Variants in PCYOX1L observed in about 807,000 individuals in gnomAD.
PCYOX1L encodes the protein prenylcysteine oxidase 1 like, also known as prenylcysteine oxidase 1-like.
A neutral mutation model predicts 44.1 loss-of-function variants in PCYOX1L; 40 were observed. The ratio of observed to expected loss-of-function variants is 0.91; its 90% confidence interval spans 0.70 to 1.18. PCYOX1L has a LOEUF of 1.18. Among genes scored for constraint, PCYOX1L ranks in the 50% most tolerant of loss-of-function variants. The pLI is 0.00. For synonymous variants in PCYOX1L, 266 were observed against 282.8 expected (o/e 0.94, Z 0.60); for missense variants, 605 against 653.3 (o/e 0.93, Z 0.81).
intron 1 of PCYOX1L, among the ~76,000 whole-genome samples, chr5:149,361,151 G>T (rs1321495172): frequency 6.6e-6 from 1 of 152,216 alleles, no homozygotes; most frequent in Admixed American, 6.5e-5. Flanking sequence ...GCTAATGCCT[G>T]TAATTCCAGC....
In PCYOX1L at chr5:149,368,455, G is replaced by T. The variant is rs775253723; in HGVS notation, c.1286G>T (p.Gly429Val). 1 of 1,613,706 alleles carries T rather than the reference G, an allele frequency of 6.2e-7. No homozygotes were observed. The highest frequency in any genetic ancestry group is 1.1e-5 in the South Asian group (1 of 91,066). The change falls in exon 6 of 6, where the codon GGC becomes GTC. Residue 429 changes from glycine (G) to valine (V), a missense_variant. Transcript: ENST00000274569. ...GAGTGGCAGGCCCATCCCCTCTATGGCTCCCGCCCCACGCTCCCGAGGTTT... is the reference window on the plus strand; with the variant it reads ...GAGTGGCAGGCCCATCCCCTCTATGTCTCCCGCCCCACGCTCCCGAGGTTT... ...TAEWQAHPLY[G>V]SRPTLPRFAL... is the part of the protein sequence containing the mutation.
chr5:149,366,129 TCAG>T lies in PCYOX1L; in HGVS notation c.663_665del (p.Ala222del). 2 of 1,613,042 alleles carry T rather than the reference TCAG, an allele frequency of 1.2e-6. No individual in the cohort carries two copies. Among genetic ancestry groups the T allele is most frequent in the Non-Finnish European group, 1.7e-6 (2 of 1,180,022 alleles). On this transcript the variant is annotated inframe_deletion, in exon 4 of 6. Transcript: ENST00000274569. ...TGTCCTGCGGGCCAGCTATGGCCAGTCAGCAGCGATGCCCGCCTTTGCAGGTAA... is the reference window on the plus strand; with the variant it reads ...TGTCCTGCGGGCCAGCTATGGCCAGTCAGCGATGCCCGCCTTTGCAGGTAA...
Position 149,368,606 on chromosome 5 carries a change from C to A in PCYOX1L, c.1437C>A (p.Asp479Glu). Residue 479 changes from aspartate to glutamate, a missense_variant, in exon 6 of 6, where the codon GAC (aspartate) becomes GAA (glutamate). By Grantham distance (45) the Asp-to-Glu change is conservative (BLOSUM62 2). Coordinates refer to ENST00000274569, the MANE Select transcript of PCYOX1L (RefSeq NM_024028.4). Reference sequence around the variant, plus strand: ...ACAACCGCTGGTACCAGGACCTAGACAAGATTGATCAAAAAGATTTGATGC... The same window carrying A: ...ACAACCGCTGGTACCAGGACCTAGAAAAGATTGATCAAAAAGATTTGATGC... ...LAYNRWYQDL[D>E]KIDQKDLMHK... is the part of the protein sequence containing the mutation. 2.0e-6 allele frequency: 3 copies of A among 1,536,030 alleles called. No homozygotes were observed. The highest frequency in any genetic ancestry group is 2.1e-5 in the Admixed American group (1 of 47,198).
intron 3 of PCYOX1L, chr5:149,365,689 G>C (rs1235405446): frequency 3.6e-6 from 2 of 553,632 alleles, no homozygotes; most frequent in East Asian, 6.2e-5. Flanking sequence ...CAGTGATACA[G>C]TTGTTACTCA....
In PCYOX1L at chr5:149,367,370, A is replaced by G. The variant is rs1164438053; in HGVS notation, c.693A>G (p.Ser231=). The change falls in exon 5 of 6, where the codon TCA becomes TCG. Residue 231 remains serine (S), a synonymous_variant. Transcript: ENST00000274569. ...TCCCGCTTTGCCCAGGAGCCATGTC[A>G]CTAGCCGGGGCCCAAGGCAGCCTGT... ...AAMPAFAGAM[S]LAGAQGSLWS... The G allele has an allele frequency of 1.2e-6, 2 of 1,610,516 alleles. No homozygotes were observed. The highest frequency in any genetic ancestry group is 1.7e-6 in the Non-Finnish European group (2 of 1,178,824).
intron 1 of PCYOX1L, among the ~76,000 whole-genome samples, chr5:149,358,854 T>A (rs929400994): frequency 6.6e-6 from 1 of 152,182 alleles, no homozygotes; most frequent in Non-Finnish European, 1.5e-5. Flanking sequence ...AATTTTATAG[T>A]GGTCATCTGT....
In PCYOX1L at chr5:149,358,111, C is replaced by T; in HGVS notation, c.43C>T (p.Leu15Phe). 2.7e-6 allele frequency: 4 copies of T among 1,454,702 alleles called. No homozygotes were observed. Among genetic ancestry groups the T allele is most frequent in the East Asian group, 6.1e-5 (2 of 33,014 alleles). 90.1% of individuals were successfully genotyped at this position (1,454,702 alleles called of 1,614,324 possible). ...GCTGCTCGCCGCGTTGACCGCGCTC[C>T]TCGCCGCCGCCGCTGCTGGCGGAGA... ...APLLAALTAL[L>F]AAAAAGGDAP... Residue 15 changes from leucine (L) to phenylalanine (F), a missense_variant, in exon 1 of 6, where the codon CTC becomes TTC. Transcript: ENST00000274569.
At chr5:149,362,604 CTCT>C in intron 1 of PCYOX1L, 30 bp from the exon 2 acceptor site, 1 of 1,611,546 alleles carries the variant, frequency 6.2e-7, no homozygotes, top group Non-Finnish European at 8.5e-7. Flanking sequence ...TGTTCTGTCT[CTCT>C]TCTTCCCTAC....
intron 1 of PCYOX1L, among the ~76,000 whole-genome samples, chr5:149,359,535 A>G (rs1485475648): frequency 6.6e-6 from 1 of 152,354 alleles, no homozygotes; most frequent in East Asian, 1.9e-4. Flanking sequence ...GTTTGAATAC[A>G]GTGTGGCTAG....
chr5:149,364,400 T>C, intron 3 of PCYOX1L, 190 bp downstream of exon 3: 1 of 616,560 alleles, frequency 1.6e-6, no homozygotes, highest in South Asian at 2.1e-5. Flanking sequence ...ATGGTCTCCC[T>C]AGTATTGTCA....
In PCYOX1L at chr5:149,365,975, C is replaced by T. The variant is rs1581371970; in HGVS notation, c.504C>T (p.Phe168=). The change falls in exon 4 of 6, where the codon TTC becomes TTT. Residue 168 remains phenylalanine, a synonymous_variant. Coordinates refer to ENST00000274569, the MANE Select transcript of PCYOX1L (RefSeq NM_024028.4). ...AGTACCAGGCCCACGGCTATGCCTT[C>T]TCGGGTGTGGAGGAGCTGCTCTACT... ...IYKYQAHGYA[F]SGVEELLYSL... 1 of 1,614,140 alleles carries T rather than the reference C, an allele frequency of 6.2e-7. No homozygotes were observed. The highest frequency in any genetic ancestry group is 1.7e-5 in the Admixed American group (1 of 60,016).
chr5:149,365,858 G>A (rs1758178799), intron 3 of PCYOX1L, 84 bp from the exon 4 acceptor site: 5 of 1,312,726 alleles, frequency 3.8e-6, no homozygotes, highest in Non-Finnish European at 5.4e-6. Context: ...TTCCTGGTGG[G>A]CCTCCCAGGC....
chr5:149,367,397 G>T lies in PCYOX1L; in HGVS notation c.720G>T (p.Trp240Cys), dbSNP rs1758248913. The change falls in exon 5 of 6, where the codon TGG becomes TGT. Residue 240 changes from tryptophan (W) to cysteine (C), a missense_variant. By Grantham distance (215) the Trp-to-Cys change is radical. Transcript: ENST00000274569. ...MSLAGAQGSL[W>C]SVEGGNKLVC... is the part of the protein sequence containing the mutation. ...TAGCCGGGGCCCAAGGCAGCCTGTG[G>T]TCTGTGGAAGGAGGCAATAAGCTGG... 1.2e-6 allele frequency: 2 copies of T among 1,613,342 alleles called. No homozygotes were observed. Among genetic ancestry groups the T allele is most frequent in the Non-Finnish European group, 1.7e-6 (2 of 1,179,726 alleles).
chr5:149,362,493 C>A, intron 1 of PCYOX1L, 144 bp from the exon 2 acceptor site: 1 of 797,170 alleles, frequency 1.3e-6, no homozygotes, highest in Non-Finnish European at 2.0e-6. Context: ...ACTCAGTCCG[C>A]AGATTTCCTT....
chr5:149,358,233 G>A (rs2127611731), intron 1 of PCYOX1L, 77 bp downstream of exon 1: 1 of 1,297,080 alleles, frequency 7.7e-7, no homozygotes, highest in African/African-American at 1.5e-5. Context: ...AGCTAGGTGG[G>A]GTATAGGAGG....
At position 149,368,058 on chromosome 5, in the gene PCYOX1L, A is replaced by G. The variant is rs1244110189; in HGVS notation, c.889A>G (p.Ile297Val). ...EVGNSSDFYD[I>V]VVIATPLHLD... Reference sequence around the variant, plus strand: ...AGGCAACAGCTCTGACTTCTATGACATCGTGGTCATCGCCACCCCCCTGCA... The same window carrying G: ...AGGCAACAGCTCTGACTTCTATGACGTCGTGGTCATCGCCACCCCCCTGCA... The change falls in exon 6 of 6, where the codon ATC becomes GTC. Residue 297 changes from isoleucine (I) to valine (V), a missense_variant. Ile to Val is a conservative substitution (Grantham distance 29). Coordinates refer to ENST00000274569, the MANE Select transcript of PCYOX1L (RefSeq NM_024028.4). 4 of 1,594,212 alleles carry G rather than the reference A, an allele frequency of 2.5e-6. No homozygotes were observed. Among genetic ancestry groups the G allele is most frequent in the Admixed American group, 1.7e-5 (1 of 57,864 alleles).
In PCYOX1L at chr5:149,367,390, G is replaced by T. The variant is rs2127614499; in HGVS notation, c.713G>T (p.Ser238Ile). 1 of 1,612,958 alleles carries T rather than the reference G, an allele frequency of 6.2e-7. No individual in the cohort carries two copies. The highest frequency in any genetic ancestry group is 2.2e-5 in the East Asian group (1 of 44,846). Residue 238 changes from serine (S) to isoleucine (I), a missense_variant, in exon 5 of 6, where the codon AGC (serine) becomes ATC (isoleucine). Physicochemically the swap from Ser to Ile is moderately radical, Grantham distance 142. Transcript: ENST00000274569. ...GAMSLAGAQG[S>I]LWSVEGGNKL... The stretch of plus-strand genomic sequence containing the variant: ...ATGTCACTAGCCGGGGCCCAAGGCA[G>T]CCTGTGGTCTGTGGAAGGAGGCAAT...
Position 149,363,981 on chromosome 5 carries a change from C to G in PCYOX1L, c.296-55C>G, listed in dbSNP as rs1214208809. The G allele has an allele frequency of 2.3e-5, 36 of 1,589,988 alleles. No individual in the cohort carries two copies. In the Admixed American group the frequency reaches 5.0e-4, roughly 22 times the overall value. On this transcript the variant is annotated intron_variant, in intron 2 of 5. Coordinates refer to ENST00000274569, the MANE Select transcript of PCYOX1L (RefSeq NM_024028.4). ...CTTTAATGGACCAGTCCATTTGCATCAAGAGGGCCCCAAGTCTTGGAGGGG... is the reference window on the plus strand; with the variant it reads ...CTTTAATGGACCAGTCCATTTGCATGAAGAGGGCCCCAAGTCTTGGAGGGG...
chr5:149,364,857 C>T (rs1489601514), intron 3 of PCYOX1L: 3 of 152,504 alleles, frequency 2.0e-5, no homozygotes, highest in Admixed American at 2.0e-4. Flanking sequence ...TCCCCATCAC[C>T]TTTGGTCCCA....
Sources: gnomAD v4.1 joint callset for allele counts (sites outside exome capture counted in the v4.1 genomes callset) on GRCh38, gnomAD v4.1.1 for gene constraint, MANE v1.5 for transcripts, NCBI Gene and HGNC (gene_info 2026-07-23, HGNC 2026-07-21) for gene names.